The following DNAH17 variants were observed in gnomAD, a reference collection of about 807,000 sequenced individuals.
DNAH17 encodes axonemal beta dynein heavy chain 17.
Under a neutral mutation model 485.6 loss-of-function variants are expected in DNAH17, and 376 were observed. The ratio of observed to expected loss-of-function variants is 0.77; its 90% CI spans 0.71 to 0.84. The LOEUF is 0.84. DNAH17 is among the 40% of genes least tolerant of loss of function. DNAH17 has a pLI of 0.00. For synonymous variants in DNAH17, 3,031 were observed against 2,405.9 expected, an observed-to-expected ratio of 1.26 and a Z score of -7.60; for missense variants, 6,370 against 5,839.3, an observed-to-expected ratio of 1.09 and a Z score of -2.96.
intron 27 of DNAH17, among the ~76,000 whole-genome samples, chr17:78,509,429 T>G (rs1311884060): frequency 1.3e-5 from 2 of 152,190 alleles, no homozygotes; most frequent in African/African-American, 4.8e-5. Context: ...GTTGAATATG[T>G]GCTGATTACA....
At chr17:78,484,594 C>G (rs2146640364) in intron 48 of DNAH17, among the ~76,000 whole-genome samples, 1 of 152,122 alleles carries the variant, frequency 6.6e-6, no homozygotes, top group East Asian at 1.9e-4. Context: ...CGCGGGGGCT[C>G]TAGGCCACTG....
At chr17:78,515,737 A>C (rs1353087288) in intron 25 of DNAH17, among the ~76,000 whole-genome samples, 2 of 152,332 alleles carry the variant, frequency 1.3e-5, no homozygotes, top group East Asian at 3.9e-4. Context: ...TACAGCCTGC[A>C]CTGTGGAACC....
chr17:78,455,887 G>A, intron 62 of DNAH17, 51 bp from the exon 63 acceptor site: 4 of 1,457,032 alleles, frequency 2.7e-6, no homozygotes, highest in Non-Finnish European at 3.7e-6. Context: ...TGAGGGGACT[G>A]GACCAGACAA....
intron 64 of DNAH17, among the ~76,000 whole-genome samples, chr17:78,454,214 G>C (rs751848838): frequency 2.6e-5 from 4 of 152,210 alleles, no homozygotes; most frequent in Non-Finnish European, 5.9e-5. Context: ...ATGGCCAAGC[G>C]GGAGGCAACC....
Position 78,494,665 on chromosome 17 carries a change from T to C in DNAH17, c.6198A>G (p.Val2066=), listed in dbSNP as rs1305824074. ...AGAGGTCCCCGATCAGTCCCATGAA[T>C]ACGGGCAGGTCGTCTGTCACAATCT... The part of the protein sequence containing the change: ...IPKIVTDDLP[V]FMGLIGDLFP... The change falls in exon 40 of 81, where the codon GTA becomes GTG. Residue 2066 remains valine, a synonymous_variant. Transcript: ENST00000389840. 3.7e-6 allele frequency: 6 copies of C among 1,613,824 alleles called. No individual in the cohort carries two copies. Among genetic ancestry groups the C allele is most frequent in the South Asian group, 2.2e-5 (2 of 91,096 alleles).
At chr17:78,568,934 C>T (rs185773063) in intron 9 of DNAH17, among the ~76,000 whole-genome samples, 46 of 152,202 alleles carry the variant, frequency 3.0e-4, no homozygotes, top group Middle Eastern at 3.4e-3. Flanking sequence ...ATAGGATGCA[C>T]GAGATAAGGG....
At chr17:78,541,729 G>A (rs2091594564) in intron 17 of DNAH17, among the ~76,000 whole-genome samples, 1 of 151,986 alleles carries the variant, frequency 6.6e-6, no homozygotes, top group Non-Finnish European at 1.5e-5. Flanking sequence ...CTGCCTCCTC[G>A]CCTGCCCTCT....
intron 15 of DNAH17, among the ~76,000 whole-genome samples, chr17:78,552,406 C>T (rs1184604727): frequency 6.6e-6 from 1 of 152,112 alleles, no homozygotes; most frequent in Non-Finnish European, 1.5e-5. Context: ...GATAAACCAA[C>T]AGTGGAAACT....
intron 2 of DNAH17, among the ~76,000 whole-genome samples, chr17:78,573,873 G>A (rs892322676): frequency 6.6e-6 from 1 of 152,144 alleles, no homozygotes; most frequent in South Asian, 2.1e-4. Context: ...CAGATGAGAA[G>A]AGTGATGACC....
At position 78,495,846 on chromosome 17, in the gene DNAH17, A is replaced by C. The variant is rs1442229258; in HGVS notation, c.5903+29T>G. ...TGCTGTGGCCGGCCTGGCTCACTGCAGCCACTCACTTTCACCTGGGCCACG... is the reference window on the plus strand; with the variant it reads ...TGCTGTGGCCGGCCTGGCTCACTGCCGCCACTCACTTTCACCTGGGCCACG... On this transcript the variant is annotated intron_variant, in intron 38 of 80. Coordinates refer to ENST00000389840, the MANE Select transcript of DNAH17 (RefSeq NM_173628.4). The C allele has an allele frequency of 1.9e-6, 3 of 1,601,684 alleles. No homozygotes were observed. The East Asian group carries it at 6.7e-5, about 36-fold the overall frequency.
rs1186425349 is a variant in DNAH17, at chr17:78,570,879, G to GAAAAAAAA, written c.918+68_918+69insTTTTTTTT. ...CTCAAAAAAAAAAAAAAAAAAAAAA[G>GAAAAAAAA]AAAAAAGAAAAGAAAAGAAAAGAAA... is the stretch of plus-strand genomic sequence containing the variant. On this transcript the variant is annotated intron_variant, in intron 6 of 80. Transcript: ENST00000389840. 1.6e-5 allele frequency: 8 copies of GAAAAAAAA among 488,426 alleles called. No individual in the cohort carries two copies. In the African/African-American group the frequency reaches 2.0e-4, roughly 12 times the overall value. 30.3% of individuals were successfully genotyped at this position (488,426 alleles called of 1,614,324 possible). A position where few individuals can be genotyped will look rare whatever the true frequency, so the allele number is the denominator to read the frequency against.
In DNAH17 at chr17:78,560,948, C is replaced by A. The variant is rs866816026; in HGVS notation, c.1836-13G>T. The A allele has an allele frequency of 3.2e-6, 5 of 1,543,606 alleles. No individual in the cohort carries two copies. The highest frequency in any genetic ancestry group is 4.4e-6 in the Non-Finnish European group (5 of 1,144,860). Reference sequence around the variant, plus strand: ...TCCAGACATGACCCTGGAATCAGAGCGGGAAGGCGAGGCCCCACTGGATAT... The same window carrying A: ...TCCAGACATGACCCTGGAATCAGAGAGGGAAGGCGAGGCCCCACTGGATAT... On this transcript the variant is annotated splice_polypyrimidine_tract_variant and intron_variant, in intron 12 of 80. Coordinates refer to ENST00000389840, the MANE Select transcript of DNAH17 (RefSeq NM_173628.4).
rs777415008 is a variant in DNAH17 at position 78,514,999 on chromosome 17, C to G, written c.3888G>C (p.Trp1296Cys). ...VVVVNTSIEDWKTTKWKDINV... is the reference protein window; with the variant it reads ...VVVVNTSIEDCKTTKWKDINV... ...TGATATCTTTCCACTTGGTGGTCTT[C>G]CAGTCCTCGATGCTGGTATTTACCT... Residue 1296 changes from tryptophan to cysteine, a missense_variant, in exon 26 of 81, where the codon TGG becomes TGC. Transcript: ENST00000389840. 11 of 1,613,882 alleles carry G rather than the reference C, an allele frequency of 6.8e-6. No individual in the cohort carries two copies. Among genetic ancestry groups the G allele is most frequent in the Non-Finnish European group, 8.5e-6 (10 of 1,179,900 alleles).
At chr17:78,480,300 G>A (rs56050581) in intron 49 of DNAH17, among the ~76,000 whole-genome samples, 52 of 152,112 alleles carry the variant, frequency 3.4e-4, no homozygotes, top group African/African-American at 1.2e-3. Flanking sequence ...AGTGAGCTCA[G>A]ATCACACCAT....
intron 22 of DNAH17, among the ~76,000 whole-genome samples, chr17:78,528,948 G>A (rs1437887899): frequency 5.4e-5 from 6 of 110,450 alleles, no homozygotes; most frequent in African/African-American, 1.4e-4. Flanking sequence ...AAGGCATTTT[G>A]TATTTTTTTT....
chr17:78,570,038 C>T (rs1046489195), intron 7 of DNAH17, among the ~76,000 whole-genome samples: 6 of 152,206 alleles, frequency 3.9e-5, no homozygotes, highest in African/African-American at 1.4e-4. Flanking sequence ...CCCGTCTTCC[C>T]TTTCTTTTCC....
intron 32 of DNAH17, 50 bp downstream of exon 32, chr17:78,502,836 G>A (rs368286228): frequency 1.4e-4 from 226 of 1,597,618 alleles, no homozygotes; most frequent in Non-Finnish European, 1.8e-4. Flanking sequence ...AAAGAAACTC[G>A]CCCCTTATCT....
intron 3 of DNAH17, among the ~76,000 whole-genome samples, chr17:78,572,045 G>A (rs184855905): frequency 1.3e-5 from 2 of 152,312 alleles, no homozygotes; most frequent in African/African-American, 4.8e-5. Context: ...AAGCGGGAGA[G>A]AATTAAGTAA....
At chr17:78,540,348 G>A (rs2091490253) in intron 17 of DNAH17, among the ~76,000 whole-genome samples, 1 of 145,604 alleles carries the variant, frequency 6.9e-6, no homozygotes, top group Non-Finnish European at 1.5e-5. Flanking sequence ...GGGTGGGTGG[G>A]GTGGGTGGAT....
Sources: allele counts gnomAD v4.1 joint callset (sites outside exome capture counted in the v4.1 genomes callset), GRCh38; gene constraint gnomAD v4.1.1; transcripts MANE v1.5; gene names NCBI Gene and HGNC (gene_info 2026-07-23, HGNC 2026-07-21).